Variants in TMEM140 observed in about 807,000 individuals in gnomAD.
The protein encoded by TMEM140 is transmembrane protein 140.
For missense variants in TMEM140, 236 were observed against 228.5 expected (o/e 1.03, Z -0.21); for synonymous variants, 107 against 106.8 (o/e 1.00, Z -0.01).
intron 1 of TMEM140, among the ~76,000 whole-genome samples, chr7:135,155,387 G>GT (rs1321823140): frequency 2.6e-5 from 4 of 152,238 alleles, no homozygotes; most frequent in South Asian, 2.1e-4. Context: ...TTTTCAGGTT[G>GT]TTTTATAGAC....
intron 1 of TMEM140, among the ~76,000 whole-genome samples, chr7:135,154,229 A>G (rs1473616533): frequency 6.6e-6 from 1 of 152,084 alleles, no homozygotes; most frequent in Non-Finnish European, 1.5e-5. Flanking sequence ...TTCTTGGTTA[A>G]TCTAGCTAGT....
intron 1 of TMEM140, among the ~76,000 whole-genome samples, chr7:135,154,479 T>G (rs1252985600): frequency 6.6e-6 from 1 of 152,238 alleles, no homozygotes; most frequent in Non-Finnish European, 1.5e-5. Context: ...ACTTTTTTGA[T>G]GTAGGCATTT....
intron 1 of TMEM140, among the ~76,000 whole-genome samples, chr7:135,162,347 C>A (rs1829964573): frequency 6.6e-6 from 1 of 152,240 alleles, no homozygotes; most frequent in African/African-American, 2.4e-5. Context: ...CATTTGGTAT[C>A]ATGGCCCCAG....
Position 135,164,420 on chromosome 7 carries a change from C to A in TMEM140, c.-22C>A. The A allele has an allele frequency of 6.3e-7, 1 of 1,583,836 alleles. No individual in the cohort carries two copies. Among genetic ancestry groups the A allele is most frequent in the Non-Finnish European group, 8.6e-7 (1 of 1,156,336 alleles). ...TGACTGCTGTGACTTCCCCGCAGGT[C>A]CCCCGGCAGAGGGCAGTAGAGATGG... On this transcript the variant is annotated splice_region_variant and 5_prime_UTR_variant, in exon 2 of 2. Coordinates refer to ENST00000275767, the MANE Select transcript of TMEM140 (RefSeq NM_018295.5).
chr7:135,158,675 G>C (rs149541961), intron 1 of TMEM140, among the ~76,000 whole-genome samples: 249 of 150,702 alleles, frequency 1.7e-3, no homozygotes, highest in Middle Eastern at 3.4e-3. Context: ...TGGGATCAGA[G>C]AGTGTCCCTC....
Position 135,164,700 on chromosome 7 carries a change from G to C in TMEM140, c.259G>C (p.Val87Leu). ...RVGLGLARLG[V>L]YGSLVLTLFA... ...TGGCCTGGGCCTGGCCAGGCTTGGCGTGTACGGGTCCCTGGTCCTCACCCT... is the reference window on the plus strand; with the variant it reads ...TGGCCTGGGCCTGGCCAGGCTTGGCCTGTACGGGTCCCTGGTCCTCACCCT... The change falls in exon 2 of 2, where the codon GTG (valine) becomes CTG (leucine). Residue 87 changes from valine (V) to leucine (L), a missense_variant. Transcript: ENST00000275767. 1 of 1,614,230 alleles carries C rather than the reference G, an allele frequency of 6.2e-7. No homozygotes were observed. The highest frequency in any genetic ancestry group is 8.5e-7 in the Non-Finnish European group (1 of 1,180,028).
chr7:135,157,685 C>T (rs1051529730), intron 1 of TMEM140, among the ~76,000 whole-genome samples: 4 of 152,162 alleles, frequency 2.6e-5, no homozygotes, highest in Non-Finnish European at 2.9e-5. Context: ...TCCAAGCAGT[C>T]CATGTTGGTG....
chr7:135,165,058 C>A lies in TMEM140; in HGVS notation c.*59C>A. On this transcript the variant is annotated 3_prime_UTR_variant, in exon 2 of 2. Transcript: ENST00000275767. ...CATGGTCAGAGGTGGCACATCTGCT[C>A]AGCCATCTCATTTTACAGCTAACGC... 6.7e-7 allele frequency: 1 copy of A among 1,498,106 alleles called. No homozygotes were observed. Among genetic ancestry groups the A allele is most frequent in the South Asian group, 1.3e-5 (1 of 74,708 alleles). 92.8% of individuals were successfully genotyped at this position (1,498,106 alleles called of 1,614,324 possible).
chr7:135,149,412 T>A (rs1829618134), intron 1 of TMEM140, among the ~76,000 whole-genome samples: 1 of 152,226 alleles, frequency 6.6e-6, no homozygotes. Flanking sequence ...TTATCCTTGA[T>A]ACATCATAGT....
chr7:135,164,342 A>AG, intron 1 of TMEM140, 76 bp from the exon 2 acceptor site: 1 of 1,227,060 alleles, frequency 8.1e-7, no homozygotes, highest in East Asian at 2.4e-5. Context: ...GAAATGCCAA[A>AG]GGGAGAACAT....
At chr7:135,148,447 C>A (rs980324004) in intron 1 of TMEM140, among the ~76,000 whole-genome samples, 177 bp downstream of exon 1, 1 of 152,218 alleles carries the variant, frequency 6.6e-6, no homozygotes, top group East Asian at 1.9e-4. Context: ...TAATCTACCC[C>A]CTTTACTCTC....
chr7:135,153,192 A>G (rs11973120), intron 1 of TMEM140: 7,621 of 152,314 alleles, frequency 0.05, 258 homozygotes, highest in Non-Finnish European at 0.08. Flanking sequence ...ATGGTGGCTC[A>G]TGCCTGTAAT....
intron 1 of TMEM140, among the ~76,000 whole-genome samples, chr7:135,163,267 G>A (rs1208164234): frequency 1.3e-5 from 2 of 152,146 alleles, no homozygotes; most frequent in Non-Finnish European, 2.9e-5. Context: ...CATCAGTACA[G>A]GAAGAAAATA....
rs1830105713 is a variant in TMEM140, at chr7:135,165,986, G to A, written c.*987G>A. 6.3e-6 allele frequency: 1 copy of A among 158,156 alleles called. No individual in the cohort carries two copies. The highest frequency in any genetic ancestry group is 2.1e-4 in the South Asian group (1 of 4,826). 9.8% of individuals were successfully genotyped at this position (158,156 alleles called of 1,614,324 possible). On this transcript the variant is annotated 3_prime_UTR_variant, in exon 2 of 2. Coordinates refer to ENST00000275767, the MANE Select transcript of TMEM140 (RefSeq NM_018295.5). ...CTAGCTGCCCGGGGACCAAGGTACA[G>A]GTGAAAGCAAGGTAGCAGCTTGCGG...
chr7:135,154,778 A>G (rs1344718416), intron 1 of TMEM140, among the ~76,000 whole-genome samples: 2 of 152,184 alleles, frequency 1.3e-5, no homozygotes, highest in East Asian at 1.9e-4. Context: ...CATGTGATCT[A>G]TCTTGGAGAA....
chr7:135,148,588 T>C lies in TMEM140; in HGVS notation c.-25+318T>C, dbSNP rs141191890. Among the ~76,000 whole-genome samples, 11 of 152,326 alleles carry C rather than the reference T, an allele frequency of 7.2e-5. No homozygotes were observed. The East Asian group carries it at 2.1e-3, about 29-fold the overall frequency. On this transcript the variant is annotated intron_variant, in intron 1 of 1. Transcript: ENST00000275767. ...GCACACAGCAGAGTCTTGCACGCAG[T>C]GTGTACAAGGACATGGCTGTGGCTT... is the stretch of plus-strand genomic sequence containing the variant.
chr7:135,152,671 CA>C (rs1562922140), intron 1 of TMEM140: 3 of 152,188 alleles, frequency 2.0e-5, no homozygotes, highest in African/African-American at 7.2e-5. Flanking sequence ...AGACACCTTC[CA>C]CTGATCAAAG....
chr7:135,153,641 A>G (rs188654085), intron 1 of TMEM140, among the ~76,000 whole-genome samples: 17 of 152,276 alleles, frequency 1.1e-4, no homozygotes, highest in Admixed American at 7.8e-4. Context: ...GGGGTATCAT[A>G]TTTATTGATT....
At chr7:135,162,771 C>T (rs542282677) in intron 1 of TMEM140, among the ~76,000 whole-genome samples, 1 of 152,286 alleles carries the variant, frequency 6.6e-6, no homozygotes, top group East Asian at 1.9e-4. Context: ...ACCATATCAG[C>T]CGAAACTTAT....
Sources: allele counts gnomAD v4.1 joint callset (sites outside exome capture counted in the v4.1 genomes callset), GRCh38; gene constraint gnomAD v4.1.1; transcripts MANE v1.5; gene names NCBI Gene and HGNC (gene_info 2026-07-23, HGNC 2026-07-21).